Variants in ARHGEF18 observed in about 807,000 individuals in gnomAD.
ARHGEF18 encodes the protein Rho/Rac guanine nucleotide exchange factor 18.
In ARHGEF18, 93 loss-of-function variants were observed where a neutral mutation model predicts 155.7. That is an observed-to-expected ratio of 0.60 (90% confidence interval 0.50 to 0.71). ARHGEF18 has a LOEUF of 0.71. Among genes scored for constraint, ARHGEF18 ranks in the 30% least tolerant of loss-of-function variants. The probability of loss-of-function intolerance (pLI) is 0.00; values close to 1 mark genes in which losing one functional copy is unlikely to be tolerated. For missense variants in ARHGEF18, 1,593 were observed against 1,816.1 expected (o/e 0.88, Z 2.23); for synonymous variants, 742 against 753.1 (o/e 0.99, Z 0.24).
At position 7,468,904 on chromosome 19, in the gene ARHGEF18, T is replaced by C; in HGVS notation, c.3560T>C (p.Val1187Ala). 6.3e-7 allele frequency: 1 copy of C among 1,575,760 alleles called. No homozygotes were observed. The highest frequency in any genetic ancestry group is 1.8e-5 in the Admixed American group (1 of 54,948). ...GPRVSMLPSG[V>A]GPEYAERPEV... ...CGTGTGAGCATGCTGCCATCCGGCGTGGGGCCAGAGTACGCAGAGCGCCCC... is the reference window on the plus strand; with the variant it reads ...CGTGTGAGCATGCTGCCATCCGGCGCGGGGCCAGAGTACGCAGAGCGCCCC... The change falls in exon 27 of 29, where the codon GTG becomes GCG. Residue 1187 changes from valine (V) to alanine (A), a missense_variant. Physicochemically the swap from Val to Ala is moderately conservative, Grantham distance 64. Transcript: ENST00000668164.
chr19:7,469,187 A>G, intron 27 of ARHGEF18, 56 bp downstream of exon 27: 1 of 1,491,812 alleles, frequency 6.7e-7, no homozygotes, highest in South Asian at 1.3e-5. Flanking sequence ...GTCAGGCTCT[A>G]GCGGCTCGCT....
Position 7,459,908 on chromosome 19 carries a change from C to A in ARHGEF18, c.2366C>A (p.Pro789His). Residue 789 changes from proline to histidine, a missense_variant, in exon 20 of 29, where the codon CCT (proline) becomes CAT (histidine). Coordinates refer to ENST00000668164, the MANE Select transcript of ARHGEF18 (RefSeq NM_001367823.1). Reference protein sequence around the residue: ...AHIQRAVESCPDEEEGPFSLP... With the variant: ...AHIQRAVESCHDEEEGPFSLP... ...CCCGACTCCTCTCCCTGCAGCTGCC[C>A]TGACGAGGAGGAGGGGCCCTTCAGC... is the stretch of plus-strand genomic sequence containing the variant. The A allele has an allele frequency of 6.3e-7, 1 of 1,575,872 alleles. No individual in the cohort carries two copies. Among genetic ancestry groups the A allele is most frequent in the Non-Finnish European group, 8.6e-7 (1 of 1,160,588 alleles).
chr19:7,400,796 C>T (rs545260157), intron 10 of ARHGEF18, among the ~76,000 whole-genome samples: 1 of 152,254 alleles, frequency 6.6e-6, no homozygotes, highest in African/African-American at 2.4e-5. Context: ...GATTACACCA[C>T]TGCACTCTAG....
At chr19:7,361,218 CT>C (rs1969532769) in intron 1 of ARHGEF18, among the ~76,000 whole-genome samples, 1 of 152,188 alleles carries the variant, frequency 6.6e-6, no homozygotes, top group Admixed American at 6.5e-5. Flanking sequence ...GGGGGATTGC[CT>C]GAGCTCAGGA....
Position 7,424,996 on chromosome 19 carries a change from G to GA in ARHGEF18, c.968-15334dup, listed in dbSNP as rs538094940. ...TGACAGAGTGAGACTACGTCTCGGG[G>GA]AAAAAAAAAAAAAAGGCTCAAATTC... On this transcript the variant is annotated intron_variant, in intron 10 of 28. Transcript: ENST00000668164. Among the ~76,000 whole-genome samples the GA allele has an allele frequency of 6.7e-3, 918 of 136,538 alleles. 5 individuals are homozygous for GA. Among genetic ancestry groups the GA allele is most frequent in the Non-Finnish European group, 8.9e-3 (560 of 62,732 alleles). 89.6% of individuals were successfully genotyped at this position (136,538 alleles called of 152,430 possible).
At chr19:7,382,343 C>T (rs1294696884) in intron 8 of ARHGEF18, among the ~76,000 whole-genome samples, 2 of 151,346 alleles carry the variant, frequency 1.3e-5, no homozygotes, top group African/African-American at 2.4e-5. Context: ...TGCAGTGAGC[C>T]GAGATTGCAC....
intron 10 of ARHGEF18, among the ~76,000 whole-genome samples, chr19:7,419,466 C>T (rs2145667913): frequency 6.6e-6 from 1 of 152,128 alleles, no homozygotes; most frequent in Non-Finnish European, 1.5e-5. Context: ...GCAGCTCCTT[C>T]ACCACAGCCT....
intron 10 of ARHGEF18, among the ~76,000 whole-genome samples, chr19:7,384,221 G>A (rs565816884): frequency 2.8e-4 from 43 of 152,210 alleles, no homozygotes; most frequent in Non-Finnish European, 3.2e-4. Flanking sequence ...TGCATTGTAG[G>A]ATATTTAGTA....
At chr19:7,366,638 C>T (rs1969897957) in intron 2 of ARHGEF18, among the ~76,000 whole-genome samples, 1 of 152,194 alleles carries the variant, frequency 6.6e-6, no homozygotes. Flanking sequence ...AACGGTTTGG[C>T]TTAATCATCT....
At chr19:7,391,272 G>C (rs61360246) in intron 10 of ARHGEF18, among the ~76,000 whole-genome samples, 1 of 151,992 alleles carries the variant, frequency 6.6e-6, no homozygotes, top group Non-Finnish European at 1.5e-5. Context: ...CCTCCCGTCC[G>C]TGGGACAGAC....
At chr19:7,355,067 T>A (rs1463509757) in intron 1 of ARHGEF18, among the ~76,000 whole-genome samples, 1 of 127,414 alleles carries the variant, frequency 7.8e-6, no homozygotes, top group East Asian at 2.4e-4. Flanking sequence ...ACCAATGGGC[T>A]TCACACACAC....
intron 10 of ARHGEF18, among the ~76,000 whole-genome samples, chr19:7,429,818 G>A (rs1367614019): frequency 6.6e-6 from 1 of 152,164 alleles, no homozygotes; most frequent in Non-Finnish European, 1.5e-5. Flanking sequence ...CGGAGAGGGT[G>A]CTGTCTCCTG....
intron 10 of ARHGEF18, among the ~76,000 whole-genome samples, chr19:7,434,915 C>A (rs1974171573): frequency 6.6e-6 from 1 of 152,244 alleles, no homozygotes; most frequent in Admixed American, 6.5e-5. Context: ...AAAAGAAACA[C>A]CATAGGCCAG....
intron 3 of ARHGEF18, among the ~76,000 whole-genome samples, chr19:7,375,280 AAAAAGAAAG>A (rs1278114575): frequency 7.0e-6 from 1 of 143,570 alleles, no homozygotes. Flanking sequence ...TCAAAAAAAA[AAAAAGAAAG>A]AAAAGAAAGA....
At chr19:7,365,967 A>G (rs986366588) in intron 2 of ARHGEF18, among the ~76,000 whole-genome samples, 12 of 151,608 alleles carry the variant, frequency 7.9e-5, no homozygotes, top group African/African-American at 2.9e-4. Flanking sequence ...TTTTTTTGAG[A>G]CAGGGTCTCA....
intron 10 of ARHGEF18, among the ~76,000 whole-genome samples, chr19:7,432,274 C>G (rs1974010903): frequency 6.6e-6 from 1 of 152,126 alleles, no homozygotes; most frequent in Non-Finnish European, 1.5e-5. Flanking sequence ...GTCTCTCGAA[C>G]ACTCACCAGT....
At chr19:7,359,529 C>T (rs999265739) in intron 1 of ARHGEF18, among the ~76,000 whole-genome samples, 1 of 151,938 alleles carries the variant, frequency 6.6e-6, no homozygotes. Context: ...GACTATGACA[C>T]CAGGATTAGG....
chr19:7,425,361 CA>C (rs1037283218), intron 10 of ARHGEF18, among the ~76,000 whole-genome samples: 1 of 151,676 alleles, frequency 6.6e-6, no homozygotes, highest in African/African-American at 2.4e-5. Flanking sequence ...TACTTCCCCA[CA>C]AAAAAAACAA....
intron 12 of ARHGEF18, 58 bp downstream of exon 12, chr19:7,441,823 AGCTGGG>A: frequency 6.2e-7 from 1 of 1,612,404 alleles, no homozygotes; most frequent in East Asian, 2.2e-5. Context: ...TCCTGGGAAG[AGCTGGG>A]GCTCGTGTCA....
Sources: allele counts gnomAD v4.1 joint callset (sites outside exome capture counted in the v4.1 genomes callset), GRCh38; gene constraint gnomAD v4.1.1; transcripts MANE v1.5; gene names NCBI Gene and HGNC (gene_info 2026-07-23, HGNC 2026-07-21).